RBL1: variants seen among roughly 807,000 people sequenced by gnomAD.
RBL1 encodes RB transcriptional corepressor like 1.
Under a neutral mutation model 123.0 loss-of-function variants are expected in RBL1, and 82 were observed. That is an observed-to-expected ratio of 0.67 (90% CI 0.56 to 0.80). The LOEUF is 0.80. Ranked by LOEUF, RBL1 falls within the 30% of genes least tolerant of loss-of-function variation. The pLI, the probability that RBL1 is intolerant of heterozygous loss-of-function variation, is 0.00. For missense variants in RBL1, 1,171 were observed against 1,299.6 expected (o/e 0.90, Z 1.52); for synonymous variants, 405 against 441.3 (o/e 0.92, Z 1.03).
Position 37,060,550 on chromosome 20 carries a change from C to T in RBL1, c.1250+553G>A, listed in dbSNP as rs187120006. On this transcript the variant is annotated intron_variant, in intron 9 of 21. Transcript: ENST00000373664. ...CTGTAATCCCAGCAGTTTGGAAGGC[C>T]GAGGCAGTTGGATCACTTGAGCTCA... 1.4e-4 allele frequency among the ~76,000 whole-genome samples: 21 copies of T among 151,964 alleles called. No individual in the cohort carries two copies. The East Asian group carries it at 1.5e-3, about 11-fold the overall frequency.
chr20:37,032,271 C>A (rs1371464593), intron 16 of RBL1, among the ~76,000 whole-genome samples: 2 of 152,064 alleles, frequency 1.3e-5, no homozygotes, highest in Non-Finnish European at 2.9e-5. Context: ...CTGGCACAAG[C>A]TATAATATGA....
At position 37,044,256 on chromosome 20, in the gene RBL1, G is replaced by C. The variant is rs372697397; in HGVS notation, c.1606-6C>G. ...CGGATCACCACCTCAATAACCTGCA[G>C]AGGAGAAAGTGAGAAGGCAATGTGG... is the stretch of plus-strand genomic sequence containing the variant. On this transcript the variant is annotated splice_polypyrimidine_tract_variant and splice_region_variant and intron_variant, in intron 12 of 21. Coordinates refer to ENST00000373664, the MANE Select transcript of RBL1 (RefSeq NM_002895.5). 1 of 1,613,606 alleles carries C rather than the reference G, an allele frequency of 6.2e-7. No homozygotes were observed. The highest frequency in any genetic ancestry group is 8.5e-7 in the Non-Finnish European group (1 of 1,179,800).
At chr20:37,004,538 CT>C (rs2064038703) in intron 20 of RBL1, among the ~76,000 whole-genome samples, 7 of 149,534 alleles carry the variant, frequency 4.7e-5, no homozygotes, top group East Asian at 2.0e-4. Context: ...CATGGTGAAA[CT>C]CCGTCTCCAC....
intron 1 of RBL1, among the ~76,000 whole-genome samples, chr20:37,093,930 C>T (rs117104198): frequency 0.085 from 12,965 of 151,646 alleles, 655 homozygotes; most frequent in Non-Finnish European, 0.12. Context: ...TGTGAGCCAC[C>T]GTGCGCCCGG....
At chr20:37,046,230 C>T (rs902073743) in intron 12 of RBL1, among the ~76,000 whole-genome samples, 1 of 152,024 alleles carries the variant, frequency 6.6e-6, no homozygotes, top group Non-Finnish European at 1.5e-5. Context: ...TGGTAGAAAG[C>T]GTTTTTTGTT....
intron 1 of RBL1, among the ~76,000 whole-genome samples, chr20:37,094,160 T>G (rs1485172384): frequency 6.6e-6 from 1 of 152,150 alleles, no homozygotes; most frequent in East Asian, 1.9e-4. Flanking sequence ...AACAGGTGCA[T>G]GCCTTGACCA....
chr20:37,013,016 G>A (rs1414689985), intron 19 of RBL1, among the ~76,000 whole-genome samples: 1 of 151,888 alleles, frequency 6.6e-6, no homozygotes, highest in East Asian at 2.0e-4. Flanking sequence ...GGTGAGGGGC[G>A]CCTCTGCCCT....
At chr20:37,018,086 CAG>C (rs1396679455) in intron 19 of RBL1, among the ~76,000 whole-genome samples, 191 bp downstream of exon 19, 4 of 152,302 alleles carry the variant, frequency 2.6e-5, no homozygotes, top group African/African-American at 4.8e-5. Context: ...ACACAATTAA[CAG>C]GGGACAAATT....
chr20:37,022,855 A>C, intron 16 of RBL1, 29 bp from the exon 17 acceptor site: 1 of 1,534,324 alleles, frequency 6.5e-7, no homozygotes, highest in Non-Finnish European at 8.9e-7. Context: ...CATTGATGCA[A>C]AACACCAAGT....
chr20:37,022,237 G>C (rs773710469), intron 17 of RBL1, among the ~76,000 whole-genome samples: 3 of 152,200 alleles, frequency 2.0e-5, no homozygotes, highest in Admixed American at 6.5e-5. Context: ...GTTATTCCAT[G>C]ACTTAAAACA....
chr20:37,016,651 G>C (rs1266004976), intron 19 of RBL1, among the ~76,000 whole-genome samples: 1 of 152,094 alleles, frequency 6.6e-6, no homozygotes, highest in Non-Finnish European at 1.5e-5. Flanking sequence ...ACCTGGCCAG[G>C]CATGGTGGCT....
At chr20:37,040,121 C>G (rs1175199589) in intron 14 of RBL1, 32 bp downstream of exon 14, 11 of 1,604,182 alleles carry the variant, frequency 6.9e-6, no homozygotes, top group Admixed American at 1.8e-5. Context: ...CCCTTTGTTA[C>G]TTTTTCATTC....
intron 9 of RBL1, among the ~76,000 whole-genome samples, chr20:37,057,718 G>GT (rs1271698417): frequency 3.9e-5 from 6 of 152,234 alleles, no homozygotes; most frequent in Admixed American, 2.6e-4. Flanking sequence ...ACCGGGCATG[G>GT]TGGCTCACAT....
At chr20:37,072,668 G>C (rs1410476742) in intron 2 of RBL1, among the ~76,000 whole-genome samples, 1 of 152,130 alleles carries the variant, frequency 6.6e-6, no homozygotes, top group Non-Finnish European at 1.5e-5. Context: ...AGATACATCT[G>C]CTTGAGATTT....
At chr20:37,002,740 CAG>C (rs2064009292) in intron 21 of RBL1, among the ~76,000 whole-genome samples, 1 of 145,408 alleles carries the variant, frequency 6.9e-6, no homozygotes, top group Non-Finnish European at 1.5e-5. Flanking sequence ...TTTTTTGAGA[CAG>C]AGTCTCGTTC....
intron 16 of RBL1, 43 bp from the exon 17 acceptor site, chr20:37,022,869 T>TA: frequency 6.8e-7 from 1 of 1,462,336 alleles, no homozygotes; most frequent in Admixed American, 2.0e-5. Flanking sequence ...ACCAAGTAAA[T>TA]CATTTCTCAA....
At chr20:37,014,083 CTCTTT>C (rs1030687840) in intron 19 of RBL1, among the ~76,000 whole-genome samples, 9 of 148,998 alleles carry the variant, frequency 6.0e-5, no homozygotes, top group Non-Finnish European at 1.0e-4. Context: ...ATAACTTTCT[CTCTTT>C]TTTTTTTTTT....
chr20:37,015,228 T>G lies in RBL1; in HGVS notation c.2722+3051A>C, dbSNP rs563628719. 2.6e-5 allele frequency among the ~76,000 whole-genome samples: 4 copies of G among 152,288 alleles called. No homozygotes were observed. In the East Asian group the frequency reaches 7.7e-4, roughly 29 times the overall value. ...GAAAACGACATCGTCTATTATCTTT[T>G]GCTTACTTCTACTCTCTGGAACTTC... On this transcript the variant is annotated intron_variant, in intron 19 of 21. Transcript: ENST00000373664.
At chr20:37,033,367 T>C (rs150511924) in intron 15 of RBL1, among the ~76,000 whole-genome samples, 3,274 of 151,366 alleles carry the variant, frequency 0.022, 55 homozygotes, top group Middle Eastern at 0.035. Flanking sequence ...ATATTTTTAG[T>C]AGACACAGGG....
Sources: allele counts gnomAD v4.1 joint callset (sites outside exome capture counted in the v4.1 genomes callset), GRCh38; gene constraint gnomAD v4.1.1; transcripts MANE v1.5; gene names NCBI Gene and HGNC (gene_info 2026-07-23, HGNC 2026-07-21).